The following ZDHHC21 variants were observed in gnomAD, a reference collection of about 807,000 sequenced individuals.
The protein encoded by ZDHHC21 is zDHHC palmitoyltransferase 21.
A neutral mutation model predicts 34.6 loss-of-function variants in ZDHHC21; 15 were observed. The ratio of observed to expected loss-of-function variants is 0.43; its 90% CI spans 0.29 to 0.67. ZDHHC21 has a LOEUF of 0.67. ZDHHC21 is among the 30% of genes least tolerant of loss of function. The pLI, the probability that ZDHHC21 is intolerant of heterozygous loss-of-function variation, is 0.14. For missense variants in ZDHHC21, 344 were observed against 327.7 expected (o/e 1.05, Z -0.38); for synonymous variants, 142 against 101.8 (o/e 1.40, Z -2.38).
intron 7 of ZDHHC21, among the ~76,000 whole-genome samples, chr9:14,656,678 C>A (rs1193397307): frequency 6.6e-6 from 1 of 151,860 alleles, no homozygotes. Flanking sequence ...CACTACTAGA[C>A]ACAAGTAACT....
At chr9:14,619,243 T>C in intron 9 of ZDHHC21, 145 bp from the exon 10 acceptor site, 1 of 920,928 alleles carries the variant, frequency 1.1e-6, no homozygotes, top group Non-Finnish European at 1.5e-6. Flanking sequence ...TCTTTCATTA[T>C]GGCATGCAGC....
chr9:14,590,893 G>T, the ZDHHC21 span, among the ~76,000 whole-genome samples: 2 of 151,866 alleles, frequency 1.3e-5, no homozygotes, highest in African/African-American at 4.8e-5. Flanking sequence ...TAACTGACTG[G>T]CAAAAGAAAA....
At chr9:14,622,818 C>T in intron 8 of ZDHHC21, 1 of 758,350 alleles carries the variant, frequency 1.3e-6, no homozygotes, top group Non-Finnish European at 1.6e-6. Flanking sequence ...GTTTCTAGAC[C>T]TGCCAAACTG....
intron 8 of ZDHHC21, 121 bp downstream of exon 8, chr9:14,639,775 G>A: frequency 1.9e-6 from 1 of 530,708 alleles, no homozygotes; most frequent in East Asian, 3.0e-5. Flanking sequence ...GCACATGAAA[G>A]TATTAAAAAG....
intron 8 of ZDHHC21, among the ~76,000 whole-genome samples, chr9:14,635,271 A>G (rs945964809): frequency 3.3e-5 from 5 of 152,240 alleles, no homozygotes; most frequent in African/African-American, 9.6e-5. Context: ...ACTTAAGGAT[A>G]TAACAGCTGA....
At chr9:14,647,860 T>C (rs1264635408) in intron 7 of ZDHHC21, among the ~76,000 whole-genome samples, 1 of 152,118 alleles carries the variant, frequency 6.6e-6, no homozygotes. Context: ...CCAGTCAGTT[T>C]CCATGTCTTT....
chr9:14,625,616 C>A (rs10810189), intron 8 of ZDHHC21, among the ~76,000 whole-genome samples: 12,704 of 151,908 alleles, frequency 0.084, 1,005 homozygotes, highest in East Asian at 0.32. Context: ...CAATAAATGG[C>A]AGTCTTAAGA....
chr9:14,670,280 T>A (rs1835217365), intron 5 of ZDHHC21, among the ~76,000 whole-genome samples: 1 of 152,130 alleles, frequency 6.6e-6, no homozygotes, highest in Non-Finnish European at 1.5e-5. Flanking sequence ...TGGCAATAGT[T>A]AGAGAAAGCC....
At chr9:14,671,089 G>A (rs1296070898) in intron 5 of ZDHHC21, among the ~76,000 whole-genome samples, 4 of 151,770 alleles carry the variant, frequency 2.6e-5, no homozygotes, top group African/African-American at 9.7e-5. Flanking sequence ...CATTTTTAAG[G>A]GAGAGAAAAA....
chr9:14,680,428 G>A (rs180679272), intron 2 of ZDHHC21, among the ~76,000 whole-genome samples: 52 of 152,012 alleles, frequency 3.4e-4, no homozygotes, highest in African/African-American at 1.2e-3. Context: ...AATCAAATAA[G>A]CATTATATGT....
chr9:14,632,060 CACAA>C (rs778159073), intron 8 of ZDHHC21, among the ~76,000 whole-genome samples: 6,772 of 148,592 alleles, frequency 0.046, 158 homozygotes, highest in Non-Finnish European at 0.053. Context: ...TTAAAACACA[CACAA>C]ACACACACAC....
At chr9:14,596,233 C>A in the ZDHHC21 span, among the ~76,000 whole-genome samples, 3 of 152,184 alleles carry the variant, frequency 2.0e-5, no homozygotes, top group African/African-American at 7.2e-5. Flanking sequence ...GGCTCAGCAA[C>A]AAAATGGAAC....
intron 8 of ZDHHC21, among the ~76,000 whole-genome samples, chr9:14,623,988 A>AT (rs1825770856): frequency 6.6e-6 from 1 of 152,128 alleles, no homozygotes; most frequent in South Asian, 2.1e-4. Flanking sequence ...CAAAACTACT[A>AT]TATGATCCAG....
chr9:14,687,253 C>G (rs1335473523), intron 2 of ZDHHC21, among the ~76,000 whole-genome samples: 1 of 150,760 alleles, frequency 6.6e-6, no homozygotes, highest in East Asian at 1.9e-4. Flanking sequence ...CAAGAAAAAT[C>G]CTACTTTACA....
At position 14,622,804 on chromosome 9, in the gene ZDHHC21, T is replaced by C. The variant is rs578214907; in HGVS notation, c.622-3122A>G. The C allele has an allele frequency of 6.5e-6, 6 of 930,064 alleles. No individual in the cohort carries two copies. The South Asian group carries it at 3.0e-4, about 46-fold the overall frequency. 57.6% of individuals were successfully genotyped at this position (930,064 alleles called of 1,614,324 possible). ...TTTAACCCTGCAAACAATTTCAAAA[T>C]GGAGTTTCTAGACCTGCCAAACTGC... On this transcript the variant is annotated intron_variant, in intron 8 of 9. Transcript: ENST00000380916.
At chr9:14,652,749 T>C (rs964286420) in intron 7 of ZDHHC21, among the ~76,000 whole-genome samples, 6 of 151,998 alleles carry the variant, frequency 3.9e-5, no homozygotes, top group Non-Finnish European at 5.9e-5. Flanking sequence ...AGTTTTCTAC[T>C]GAATACAGGT....
At chr9:14,656,318 A>C (rs1587190851) in intron 7 of ZDHHC21, among the ~76,000 whole-genome samples, 5 of 152,076 alleles carry the variant, frequency 3.3e-5, no homozygotes, top group South Asian at 4.1e-4. Flanking sequence ...AGGTTAGAAC[A>C]GTGCTAATAA....
chr9:14,658,507 G>A (rs1832725754), intron 7 of ZDHHC21, among the ~76,000 whole-genome samples: 1 of 110,954 alleles, frequency 9.0e-6, no homozygotes, highest in Admixed American at 1.5e-4. Context: ...GAGTCTCGCT[G>A]TCGCCCAGGT....
At chr9:14,602,546 C>A in the ZDHHC21 span, among the ~76,000 whole-genome samples, 1 of 151,794 alleles carries the variant, frequency 6.6e-6, no homozygotes, top group East Asian at 1.9e-4. Context: ...TATAGTCAAA[C>A]TGTCAAATGC....
Sources: allele counts gnomAD v4.1 joint callset (sites outside exome capture counted in the v4.1 genomes callset), GRCh38; gene constraint gnomAD v4.1.1; transcripts MANE v1.5; gene names NCBI Gene and HGNC (gene_info 2026-07-23, HGNC 2026-07-21).